DYNC2I1: variants seen among roughly 807,000 people sequenced by gnomAD.
The protein encoded by DYNC2I1 is dynein 2 intermediate chain 1.
Under a neutral mutation model 133.4 loss-of-function variants are expected in DYNC2I1, and 89 were observed. That is an observed-to-expected ratio of 0.67 (90% confidence interval 0.56 to 0.80). DYNC2I1 has a LOEUF of 0.80. Among genes scored for constraint, DYNC2I1 ranks in the 30% least tolerant of loss-of-function variants. DYNC2I1 has a pLI of 0.00. For synonymous variants in DYNC2I1, 504 were observed against 484.3 expected, an observed-to-expected ratio of 1.04 and a Z score of -0.54; for missense variants, 1,291 against 1,314.5, an observed-to-expected ratio of 0.98 and a Z score of 0.28.
At position 158,945,755 on chromosome 7, in the gene DYNC2I1, G is replaced by A. The variant is rs1424242289; in HGVS notation, c.3177G>A (p.Trp1059Ter). 1.9e-6 allele frequency: 3 copies of A among 1,583,600 alleles called. No homozygotes were observed. In the Admixed American group the frequency reaches 5.4e-5, roughly 28 times the overall value. The change falls in exon 25 of 25, where the codon TGG (tryptophan) becomes TGA (stop). Residue 1059 changes from tryptophan to a stop codon, truncating the protein, a stop_gained. Coordinates refer to ENST00000407559, the MANE Select transcript of DYNC2I1 (RefSeq NM_018051.5). LOFTEE classifies it low-confidence loss of function (END_TRUNC). This position sits in a 1 kb window ranked among gnomAD's most constrained non-coding sequence, Gnocchi z 4.1. Reference sequence around the variant, plus strand: ...GTCTGCTTTTGCAGGAAGCCCTGTGGCCAGAGGGAAAACTGCACAAGTAGC... The same window carrying A: ...GTCTGCTTTTGCAGGAAGCCCTGTGACCAGAGGGAAAACTGCACAAGTAGC... ...RLRLLLQEAL[W>*]PEGKLHK is the part of the protein sequence containing the mutation.
chr7:158,911,216 C>T (rs1241938150), intron 11 of DYNC2I1, among the ~76,000 whole-genome samples: 6 of 152,178 alleles, frequency 3.9e-5, no homozygotes, highest in East Asian at 3.8e-4. Context: ...ATGAATTAGT[C>T]CTTAGGAACA....
intron 4 of DYNC2I1, among the ~76,000 whole-genome samples, chr7:158,955,486 A>C (rs990267565): frequency 6.6e-6 from 1 of 152,202 alleles, no homozygotes; most frequent in African/African-American, 2.4e-5. Context: ...TTGGGGTAAT[A>C]GCCTATAATT....
At chr7:158,924,492 C>T (rs1486088613) in intron 17 of DYNC2I1, among the ~76,000 whole-genome samples, 2 of 152,160 alleles carry the variant, frequency 1.3e-5, no homozygotes, top group East Asian at 1.9e-4. Flanking sequence ...GTACATTGTA[C>T]ATAAGAGGGC....
In DYNC2I1 at chr7:158,926,216, A is replaced by G. The variant is rs946451711; in HGVS notation, c.2287A>G (p.Ser763Gly). 1.2e-6 allele frequency: 2 copies of G among 1,613,500 alleles called. No individual in the cohort carries two copies. Among genetic ancestry groups the G allele is most frequent in the Non-Finnish European group, 1.7e-6 (2 of 1,179,780 alleles). The change falls in exon 18 of 25, where the codon AGC becomes GGC. Residue 763 changes from serine to glycine, a missense_variant. Transcript: ENST00000407559. ...DGILTSVNHR[S>G]PLQAVEPIST... ...AATCCTTACCTCAGTAAACCACCGA[A>G]GCCCTCTTCAAGCAGTAGAACCTAT...
chr7:158,861,714 C>T (rs542380382), intron 1 of DYNC2I1, among the ~76,000 whole-genome samples: 1 of 152,332 alleles, frequency 6.6e-6, no homozygotes, highest in African/African-American at 2.4e-5. Context: ...ACGTTTGTCA[C>T]ATGGAGTACA....
At chr7:158,847,103 G>T in the DYNC2I1 span, among the ~76,000 whole-genome samples, 1 of 152,132 alleles carries the variant, frequency 6.6e-6, no homozygotes, top group Non-Finnish European at 1.5e-5. Flanking sequence ...ATGCCTTTTG[G>T]TTCACATCAC....
At chr7:158,924,723 G>A (rs901393464) in intron 17 of DYNC2I1, among the ~76,000 whole-genome samples, 3 of 151,846 alleles carry the variant, frequency 2.0e-5, no homozygotes, top group Non-Finnish European at 4.4e-5. Flanking sequence ...TCTCTAGACT[G>A]TACATACAAA....
At chr7:158,913,260 A>T (rs993991005) in intron 13 of DYNC2I1, among the ~76,000 whole-genome samples, 164 bp downstream of exon 13, 6 of 152,240 alleles carry the variant, frequency 3.9e-5, no homozygotes, top group Non-Finnish European at 7.3e-5. Context: ...AAGAAACGCT[A>T]ACCAGCAGCC....
At chr7:158,958,494 G>A (rs957953681), downstream of DYNC2I1, among the ~76,000 whole-genome samples, 57 of 152,180 alleles carry the variant, frequency 3.7e-4, no homozygotes, top group Non-Finnish European at 5.3e-4. Context: ...GCATCTCCCC[G>A]TTTTTGTCTC....
downstream of DYNC2I1, among the ~76,000 whole-genome samples, chr7:158,946,507 C>T (rs1014844258): frequency 6.6e-6 from 1 of 152,262 alleles, no homozygotes; most frequent in Admixed American, 6.5e-5. Context: ...CTGCTTTCCG[C>T]AGTACCTCAT....
At chr7:158,888,484 T>C (rs528319748) in intron 7 of DYNC2I1, among the ~76,000 whole-genome samples, 15 of 151,942 alleles carry the variant, frequency 9.9e-5, no homozygotes, top group South Asian at 4.2e-4. Context: ...TATATATATA[T>C]ACGTTGAGAT....
At chr7:158,910,758 G>A (rs981666513) in intron 11 of DYNC2I1, among the ~76,000 whole-genome samples, 4 of 151,266 alleles carry the variant, frequency 2.6e-5, no homozygotes, top group Non-Finnish European at 5.9e-5. Flanking sequence ...TCAGACCTGT[G>A]GGTGGAGGGC....
intron 1 of DYNC2I1, 114 bp downstream of exon 1, chr7:158,856,864 C>CCGGGGCTTCCCGGAGGAGCCG (rs1841297174): frequency 8.6e-7 from 1 of 1,166,352 alleles, no homozygotes. Flanking sequence ...CTCGGCCGGG[C>CCGGGGCTTCCCGGAGGAGCCG]CGGGGCTTCC....
At chr7:158,886,772 T>G (rs1310179986) in intron 6 of DYNC2I1, among the ~76,000 whole-genome samples, 1 of 151,858 alleles carries the variant, frequency 6.6e-6, no homozygotes, top group African/African-American at 2.4e-5. Context: ...CCAGGCTAAT[T>G]TTTTATTTTT....
chr7:158,922,054 C>T (rs557041110), intron 15 of DYNC2I1, among the ~76,000 whole-genome samples: 9 of 152,314 alleles, frequency 5.9e-5, no homozygotes, highest in African/African-American at 2.2e-4. Context: ...GCCAGGCGCA[C>T]TGCATTACCT....
intron 14 of DYNC2I1, among the ~76,000 whole-genome samples, chr7:158,917,995 A>G (rs993665375): frequency 2.0e-5 from 3 of 151,768 alleles, no homozygotes; most frequent in African/African-American, 7.3e-5. Context: ...GTTGGCTTTC[A>G]CTGTCTGTTT....
In DYNC2I1 at chr7:158,920,102, A is replaced by G. The variant is rs983135397; in HGVS notation, c.1921+1233A>G. Reference sequence around the variant, plus strand: ...GGCAGCGCCGGGCCTCCGTCGGGGAACACGTGAAGTGTGTGTGTGTACCAC... The same window carrying G: ...GGCAGCGCCGGGCCTCCGTCGGGGAGCACGTGAAGTGTGTGTGTGTACCAC... On this transcript the variant is annotated intron_variant, in intron 15 of 24. Coordinates refer to ENST00000407559, the MANE Select transcript of DYNC2I1 (RefSeq NM_018051.5). Among the ~76,000 whole-genome samples the G allele has an allele frequency of 3.3e-5, 5 of 151,470 alleles. No individual in the cohort carries two copies. The East Asian group carries it at 5.9e-4, about 18-fold the overall frequency.
upstream of DYNC2I1, among the ~76,000 whole-genome samples, chr7:158,854,841 T>C (rs1166761289): frequency 1.3e-5 from 2 of 152,228 alleles, no homozygotes; most frequent in Non-Finnish European, 2.9e-5. Flanking sequence ...AAGTTGCAGA[T>C]CTAAAGTTAC....
Position 158,914,291 on chromosome 7 carries a change from G to T in DYNC2I1, c.1761G>T (p.Arg587Ser). The T allele has an allele frequency of 6.2e-7, 1 of 1,612,584 alleles. No individual in the cohort carries two copies. Among genetic ancestry groups the T allele is most frequent in the Non-Finnish European group, 8.5e-7 (1 of 1,179,252 alleles). The change falls in exon 14 of 25, where the codon AGG (arginine) becomes AGT (serine). Residue 587 changes from arginine to serine, a missense_variant. Coordinates refer to ENST00000407559, the MANE Select transcript of DYNC2I1 (RefSeq NM_018051.5). ...AVVMPKIDTP[R>S]LCSFLRAACQ... ...TTATGCCAAAGATTGATACTCCAAG[G>T]TTATGTAGCTTTCTGCGGGCTGCTT...
Sources: allele counts gnomAD v4.1 joint callset (sites outside exome capture counted in the v4.1 genomes callset), GRCh38; gene constraint gnomAD v4.1.1; non-coding constraint Gnocchi (gnomAD v3.1); transcripts MANE v1.5; gene names NCBI Gene and HGNC (gene_info 2026-07-23, HGNC 2026-07-21).